Variants in CTNNA2 observed in about 807,000 individuals in gnomAD.
CTNNA2 encodes catenin alpha-2.
Under a neutral mutation model 101.0 loss-of-function variants are expected in CTNNA2, and 42 were observed. The observed-to-expected ratio is 0.42, with a 90% confidence interval of 0.32 to 0.54. The LOEUF (loss-of-function observed/expected upper bound fraction) is 0.54, where lower values mean the gene tolerates loss of function less well. Ranked by LOEUF, CTNNA2 falls within the 20% of genes least tolerant of loss-of-function variation. The probability of loss-of-function intolerance (pLI) is 0.14; values close to 1 mark genes in which losing one functional copy is unlikely to be tolerated. For missense variants in CTNNA2, 871 were observed against 1,223.1 expected (o/e 0.71, Z 4.29); for synonymous variants, 450 against 456.4 (o/e 0.99, Z 0.18).
chr2:79,656,514 A>C (rs1372525505), intron 2 of CTNNA2, among the ~76,000 whole-genome samples: 1 of 152,114 alleles, frequency 6.6e-6, no homozygotes, highest in Admixed American at 6.5e-5. Context: ...TTTCACTGTC[A>C]TGAGAAAAAT....
At chr2:79,425,686 T>C (rs1678585113) in intron 4 of CTNNA2, among the ~76,000 whole-genome samples, 1 of 152,140 alleles carries the variant, frequency 6.6e-6, no homozygotes, top group Non-Finnish European at 1.5e-5. Flanking sequence ...GAGTTTTGGA[T>C]GGGCCACATT....
chr2:79,185,789 A>T (rs111342471), intron 1 of CTNNA2, among the ~76,000 whole-genome samples: 12 of 152,016 alleles, frequency 7.9e-5, no homozygotes, highest in African/African-American at 2.9e-4. Flanking sequence ...GGGATGTTAG[A>T]TTGTGTTCTT....
chr2:80,159,854 T>G (rs1197462955), intron 7 of CTNNA2, among the ~76,000 whole-genome samples: 1 of 152,148 alleles, frequency 6.6e-6, no homozygotes, highest in Non-Finnish European at 1.5e-5. Flanking sequence ...TTATGTACAT[T>G]TCCTCTCATA....
At chr2:80,143,420 G>A (rs12477705) in intron 7 of CTNNA2, among the ~76,000 whole-genome samples, 29,163 of 151,912 alleles carry the variant, frequency 0.19, 3,084 homozygotes, top group South Asian at 0.39. Context: ...TCAAATATTC[G>A]TCAAATTTTT....
intron 7 of CTNNA2, among the ~76,000 whole-genome samples, chr2:80,370,222 G>A (rs372492167): frequency 2.6e-5 from 4 of 151,500 alleles, no homozygotes; most frequent in Admixed American, 6.6e-5. Flanking sequence ...CTATTTCAGC[G>A]AAAAAATATT....
intron 7 of CTNNA2, chr2:80,163,013 C>A: frequency 1.9e-6 from 3 of 1,558,308 alleles, no homozygotes; most frequent in Non-Finnish European, 2.7e-6. Context: ...TTTTGATAGG[C>A]CTTCCATAAA....
chr2:79,379,387 C>A (rs1678015004), intron 4 of CTNNA2, among the ~76,000 whole-genome samples: 1 of 152,154 alleles, frequency 6.6e-6, no homozygotes, highest in African/African-American at 2.4e-5. Context: ...TCCAAGAAGC[C>A]TTTGCTGCCC....
intron 9 of CTNNA2, among the ~76,000 whole-genome samples, chr2:80,457,046 C>A (rs1684038700): frequency 6.6e-6 from 1 of 151,960 alleles, no homozygotes; most frequent in Non-Finnish European, 1.5e-5. Flanking sequence ...ATGCCCATTG[C>A]CCTGATTTGA....
chr2:79,895,790 C>G (rs577952775), intron 6 of CTNNA2, among the ~76,000 whole-genome samples: 22 of 151,546 alleles, frequency 1.5e-4, no homozygotes, highest in Non-Finnish European at 3.1e-4. Context: ...GTAGTAGGCC[C>G]ATGGTTTATC....
At chr2:79,441,200 G>A (rs1340849612) in intron 4 of CTNNA2, among the ~76,000 whole-genome samples, 1 of 152,148 alleles carries the variant, frequency 6.6e-6, no homozygotes, top group Non-Finnish European at 1.5e-5. Flanking sequence ...AGGAATGTAT[G>A]TTGCTGCTCC....
In CTNNA2 at chr2:80,322,002, T is replaced by A. The variant is rs866993013; in HGVS notation, c.1057-71209T>A. ...AGGGTAGAGTGGTTATTCCTCCTGCTGAGGAAGCAACAACAGAACAAAACA... is the reference window on the plus strand; with the variant it reads ...AGGGTAGAGTGGTTATTCCTCCTGCAGAGGAAGCAACAACAGAACAAAACA... On this transcript the variant is annotated intron_variant, in intron 7 of 18. Transcript: ENST00000402739. 1.1e-4 allele frequency among the ~76,000 whole-genome samples: 16 copies of A among 152,296 alleles called. No individual in the cohort carries two copies. In the Middle Eastern group the frequency reaches 0.01, roughly 97 times the overall value.
chr2:79,831,535 C>T (rs1024301184), intron 3 of CTNNA2, among the ~76,000 whole-genome samples: 1 of 152,076 alleles, frequency 6.6e-6, no homozygotes, highest in African/African-American at 2.4e-5. Flanking sequence ...TTGACTCCTT[C>T]CCACAATTTT....
intron 2 of CTNNA2, among the ~76,000 whole-genome samples, chr2:79,234,911 T>A (rs1674537655): frequency 6.6e-6 from 1 of 152,164 alleles, no homozygotes; most frequent in Non-Finnish European, 1.5e-5. Flanking sequence ...AAATGGCTAT[T>A]TCATCTTTCA....
rs528458939 is a variant in CTNNA2, at chr2:79,595,286, G to A, written c.-5-56266G>A. Among the ~76,000 whole-genome samples, 210 of 152,048 alleles carry A rather than the reference G, an allele frequency of 1.4e-3. 5 individuals carry two copies. The South Asian group carries it at 0.041, about 30-fold the overall frequency. ...TTTTCACCGTGATCCCTTGTTCTAC[G>A]TATGTTCCCGTGGTAATTTAATCTA... On this transcript the variant is annotated intron_variant, in intron 1 of 18. Transcript: ENST00000402739.
At chr2:79,449,399 G>A (rs549173311) in intron 4 of CTNNA2, among the ~76,000 whole-genome samples, 1 of 152,094 alleles carries the variant, frequency 6.6e-6, no homozygotes, top group East Asian at 1.9e-4. Flanking sequence ...GGTGGTATTA[G>A]CAACACCACC....
At chr2:80,365,782 G>A (rs2149324819) in intron 7 of CTNNA2, among the ~76,000 whole-genome samples, 1 of 152,216 alleles carries the variant, frequency 6.6e-6, no homozygotes, top group East Asian at 1.9e-4. Context: ...TAGATAAAAA[G>A]ATTTTTGCAA....
intron 7 of CTNNA2, among the ~76,000 whole-genome samples, chr2:80,359,318 G>A (rs886962123): frequency 6.6e-6 from 1 of 152,134 alleles, no homozygotes; most frequent in Non-Finnish European, 1.5e-5. Flanking sequence ...TGAATTTTAG[G>A]ACTCTGGTTC....
At chr2:79,449,207 A>C (rs1385795009) in intron 4 of CTNNA2, among the ~76,000 whole-genome samples, 2 of 152,076 alleles carry the variant, frequency 1.3e-5, no homozygotes, top group Non-Finnish European at 2.9e-5. Flanking sequence ...TGAGCTTATC[A>C]GTGAAGTAAA....
intron 1 of CTNNA2, among the ~76,000 whole-genome samples, chr2:79,553,106 A>T (rs748503180): frequency 9.9e-5 from 15 of 152,268 alleles, no homozygotes; most frequent in Non-Finnish European, 1.8e-4. Flanking sequence ...TCCAGTTCCC[A>T]ATCATTTTTT....
Sources: allele counts gnomAD v4.1 joint callset (sites outside exome capture counted in the v4.1 genomes callset), GRCh38; gene constraint gnomAD v4.1.1; transcripts MANE v1.5; gene names NCBI Gene and HGNC (gene_info 2026-07-23, HGNC 2026-07-21).